Variants in CCDC30 observed in about 807,000 individuals in gnomAD.
CCDC30 encodes coiled-coil domain-containing protein 30.
Under a neutral mutation model 100.2 loss-of-function variants are expected in CCDC30, and 70 were observed. The ratio of observed to expected loss-of-function variants is 0.70; its 90% confidence interval spans 0.58 to 0.85. The LOEUF (loss-of-function observed/expected upper bound fraction) is 0.85, where lower values mean the gene tolerates loss of function less well. Among genes scored for constraint, CCDC30 ranks in the 40% least tolerant of loss-of-function variants. CCDC30 has a pLI of 0.00. For synonymous variants in CCDC30, 233 were observed against 269.5 expected (o/e 0.86, Z 1.33); for missense variants, 652 against 771.2 (o/e 0.85, Z 1.83).
chr1:42,623,717 G>A (rs1425713968), intron 11 of CCDC30, among the ~76,000 whole-genome samples: 2 of 152,070 alleles, frequency 1.3e-5, no homozygotes, highest in Non-Finnish European at 2.9e-5. Flanking sequence ...GCTATTCTGG[G>A]TCCTTTGTGG....
intron 11 of CCDC30, among the ~76,000 whole-genome samples, chr1:42,618,427 G>T (rs1314393633): frequency 6.6e-6 from 1 of 151,922 alleles, no homozygotes; most frequent in Non-Finnish European, 1.5e-5. Context: ...ATAGAGACAG[G>T]GTTTCTCCAT....
At chr1:42,539,376 G>A in intron 6 of CCDC30, 66 bp downstream of exon 8, 5 of 1,398,260 alleles carry the variant, frequency 3.6e-6, no homozygotes, top group African/African-American at 2.9e-5. Flanking sequence ...TAGGTTAAAA[G>A]GAAATTAATT....
intron 4 of CCDC30, chr1:42,491,803 T>C (rs1287401404): frequency 6.1e-6 from 2 of 329,612 alleles, no homozygotes; most frequent in East Asian, 6.5e-5. Context: ...AATAGAGTGG[T>C]TGATCCATTT....
chr1:42,462,503 G>A (rs922790191), upstream of CCDC30, among the ~76,000 whole-genome samples: 3 of 152,178 alleles, frequency 2.0e-5, no homozygotes, highest in South Asian at 4.1e-4. Context: ...GATAATGCAT[G>A]TAGAACCAGC....
intron 15 of CCDC30, among the ~76,000 whole-genome samples, chr1:42,652,960 A>C (rs929498921): frequency 6.6e-6 from 1 of 152,176 alleles, no homozygotes; most frequent in Non-Finnish European, 1.5e-5. Context: ...GACAGTGGTG[A>C]TGGTTGCATA....
chr1:42,524,651 C>T (rs1008989606), intron 6 of CCDC30, among the ~76,000 whole-genome samples: 5 of 152,212 alleles, frequency 3.3e-5, no homozygotes, highest in South Asian at 2.1e-4. Flanking sequence ...GACTCCCACA[C>T]GTTGCATGCA....
chr1:42,500,322 A>T (rs950552025), intron 6 of CCDC30: 1 of 1,608,162 alleles, frequency 6.2e-7, no homozygotes, highest in African/African-American at 1.3e-5. Context: ...TCTCAGCCAT[A>T]TCGGGTTTGT....
intron 6 of CCDC30, among the ~76,000 whole-genome samples, chr1:42,532,963 G>A (rs113537918): frequency 0.019 from 2,960 of 152,118 alleles, 110 homozygotes; most frequent in African/African-American, 0.067. Flanking sequence ...TAGAGACGGC[G>A]TTTCACTGTG....
chr1:42,526,592 G>T (rs1389440117), intron 6 of CCDC30, among the ~76,000 whole-genome samples: 1 of 151,934 alleles, frequency 6.6e-6, no homozygotes, highest in African/African-American at 2.4e-5. Context: ...GATCTCCAAG[G>T]TTTTTGTCCT....
intron 6 of CCDC30, among the ~76,000 whole-genome samples, chr1:42,552,186 T>A (rs1024714250): frequency 1.8e-4 from 27 of 152,322 alleles, no homozygotes; most frequent in Middle Eastern, 3.4e-3. Flanking sequence ...ATTTACTAAT[T>A]AACTGATTCA....
intron 14 of CCDC30, 142 bp downstream of exon 18, chr1:42,644,949 G>A (rs1027975255): frequency 1.6e-6 from 1 of 618,260 alleles, no homozygotes; most frequent in Admixed American, 2.8e-5. Context: ...AGAGGCTCTT[G>A]GCTGCACACC....
chr1:42,639,890 A>G (rs2148681649), intron 12 of CCDC30, among the ~76,000 whole-genome samples: 1 of 151,460 alleles, frequency 6.6e-6, no homozygotes, highest in African/African-American at 2.4e-5. Context: ...TGCTTGAACC[A>G]GGGAGATAGA....
chr1:42,648,808 A>T (rs372132702), intron 15 of CCDC30, among the ~76,000 whole-genome samples: 3 of 152,296 alleles, frequency 2.0e-5, no homozygotes, highest in Admixed American at 6.5e-5. Context: ...TTAGCTGGAC[A>T]AACTAAGAAA....
chr1:42,479,414 A>G lies in CCDC30; in HGVS notation c.-91-1047A>G, dbSNP rs550146905. Among the ~76,000 whole-genome samples the G allele has an allele frequency of 1.2e-3, 180 of 152,262 alleles. 1 individual carries two copies. The highest frequency in any genetic ancestry group is 4.2e-3 in the African/African-American group (176 of 41,556). On this transcript the variant is annotated intron_variant, in intron 1 of 16. Coordinates refer to ENST00000668663, the Ensembl canonical transcript of CCDC30. Reference sequence around the variant, plus strand: ...GCATTCTTGGCATTCAGATAGATCTATAGATCAATGGAACTCTCAATAGAG... The same window carrying G: ...GCATTCTTGGCATTCAGATAGATCTGTAGATCAATGGAACTCTCAATAGAG...
intron 8 of CCDC30, among the ~76,000 whole-genome samples, chr1:42,577,704 G>A (rs1180134995): frequency 2.0e-5 from 3 of 151,948 alleles, no homozygotes; most frequent in East Asian, 1.9e-4. Flanking sequence ...GCAGTGGTGC[G>A]ATCTCGGCTT....
chr1:42,532,418 A>G (rs949177484), intron 6 of CCDC30, among the ~76,000 whole-genome samples: 1 of 152,234 alleles, frequency 6.6e-6, no homozygotes, highest in Non-Finnish European at 1.5e-5. Context: ...CCATTTCTCT[A>G]TGGAGACAGA....
At chr1:42,620,338 C>T (rs903990491) in intron 11 of CCDC30, among the ~76,000 whole-genome samples, 3 of 152,124 alleles carry the variant, frequency 2.0e-5, no homozygotes, top group African/African-American at 7.2e-5. Context: ...TCCTGTGGCA[C>T]GTTTTGACCT....
chr1:42,482,794 G>A (rs1235220612), exon 3 of CCDC30: 2 of 1,233,794 alleles, frequency 1.6e-6, no homozygotes, highest in African/African-American at 1.6e-5. Context: ...TACAAGTGAA[G>A]GAGAAGGAAC....
intron 7 of CCDC30, among the ~76,000 whole-genome samples, chr1:42,572,838 C>T (rs1271175251): frequency 2.2e-4 from 33 of 152,122 alleles, no homozygotes; most frequent in Non-Finnish European, 4.7e-4. Context: ...TGGCTGGCCT[C>T]GAACTCCTGA....
Sources: gnomAD v4.1 joint callset for allele counts (sites outside exome capture counted in the v4.1 genomes callset) on GRCh38, gnomAD v4.1.1 for gene constraint, MANE v1.5 for transcripts, NCBI Gene and HGNC (gene_info 2026-07-23, HGNC 2026-07-21) for gene names.